Variants in BFAR observed in about 807,000 individuals in gnomAD.
BFAR encodes RING finger protein 47.
BFAR carries 52 observed loss-of-function variants against 54.4 expected under a neutral mutation model. The observed-to-expected ratio is 0.96, with a 90% CI of 0.77 to 1.21. The LOEUF is 1.21. Among genes scored for constraint, BFAR ranks in the 50% most tolerant of loss-of-function variants. The pLI is 0.00. For missense variants in BFAR, 571 were observed against 534.0 expected, an observed-to-expected ratio of 1.07 and a Z score of -0.68; for synonymous variants, 215 against 204.3, an observed-to-expected ratio of 1.05 and a Z score of -0.45.
intron 4 of BFAR, among the ~76,000 whole-genome samples, chr16:14,652,323 A>G (rs1343770521): frequency 6.6e-6 from 1 of 151,524 alleles, no homozygotes; most frequent in Admixed American, 6.6e-5. Context: ...TCTGTCTCCC[A>G]GGCTGGAGTG....
Position 14,656,150 on chromosome 16 carries a change from C to T in BFAR, c.783+940C>T, listed in dbSNP as rs116050566. On this transcript the variant is annotated intron_variant, in intron 5 of 7. Transcript: ENST00000261658. ...CCTGGGAGGTTGAGGCTGCGGTAGC[C>T]GAGATCACACCGCTGCATGGCAGCC... is the stretch of plus-strand genomic sequence containing the variant. Among the ~76,000 whole-genome samples, 1,446 of 151,750 alleles carry T rather than the reference C, an allele frequency of 9.5e-3. 21 individuals carry two copies. The highest frequency in any genetic ancestry group is 0.033 in the African/African-American group (1,375 of 41,360).
chr16:14,661,390 A>ATTTTTTT (rs1960282338), intron 5 of BFAR, among the ~76,000 whole-genome samples: 1 of 91,828 alleles, frequency 1.1e-5, no homozygotes, highest in Non-Finnish European at 2.3e-5. Flanking sequence ...TAGAGATTGG[A>ATTTTTTT]TCTTTTTTTT....
intron 1 of BFAR, 29 bp from the exon 2 acceptor site, chr16:14,644,245 T>A: frequency 8.1e-7 from 1 of 1,238,254 alleles, no homozygotes; most frequent in Non-Finnish European, 1.1e-6. Flanking sequence ...ACTATTTGCC[T>A]TATTTTTGTC....
Position 14,644,257 on chromosome 16 carries a change from C to T in BFAR, c.-73-17C>T, listed in dbSNP as rs1230409981. On this transcript the variant is annotated splice_polypyrimidine_tract_variant and intron_variant, in intron 1 of 7. Transcript: ENST00000261658. ...ACTACTATTTGCCTTATTTTTGTCT[C>T]TGTTTTTTTTTTCTAGATTAATGAT... 1.7e-5 allele frequency: 22 copies of T among 1,316,876 alleles called. No homozygotes were observed. The highest frequency in any genetic ancestry group is 2.1e-5 in the Non-Finnish European group (20 of 949,876). The allele number at this position is 1,316,876 out of a possible 1,614,324, so 81.6% of individuals were successfully genotyped here.
At chr16:14,654,290 A>T (rs1211396307) in intron 4 of BFAR, among the ~76,000 whole-genome samples, 1 of 151,586 alleles carries the variant, frequency 6.6e-6, no homozygotes, top group Non-Finnish European at 1.5e-5. Context: ...ACTATTCTTA[A>T]TGTTGTAATG....
Position 14,668,188 on chromosome 16 carries a change from A to C in BFAR, c.*361A>C. On this transcript the variant is annotated 3_prime_UTR_variant, in exon 8 of 8. Coordinates refer to ENST00000261658, the MANE Select transcript of BFAR (RefSeq NM_016561.3). ...GGGTGCCACATCAGTCCCCTCCCCA[A>C]CCTCAGTGACTGACAGAGGATCCGG... The C allele has an allele frequency of 4.3e-6, 1 of 234,318 alleles. No individual in the cohort carries two copies. Among genetic ancestry groups the C allele is most frequent in the Non-Finnish European group, 8.3e-6 (1 of 120,232 alleles). 14.5% of individuals were successfully genotyped at this position (234,318 alleles called of 1,614,324 possible).
intron 5 of BFAR, among the ~76,000 whole-genome samples, chr16:14,657,986 G>T (rs1960176494): frequency 6.6e-6 from 1 of 152,194 alleles, no homozygotes; most frequent in Non-Finnish European, 1.5e-5. Context: ...CTCCCAAGTA[G>T]CTGGGGCTAC....
intron 5 of BFAR, among the ~76,000 whole-genome samples, chr16:14,661,406 T>C (rs919058840): frequency 2.9e-5 from 4 of 138,098 alleles, no homozygotes; most frequent in South Asian, 2.6e-4. Context: ...TTTTTTTTTT[T>C]TTTTTTTTTT....
chr16:14,664,722 A>T, intron 6 of BFAR, 147 bp from the exon 7 acceptor site: 2 of 741,088 alleles, frequency 2.7e-6, no homozygotes, highest in Non-Finnish European at 4.6e-6. Flanking sequence ...CTGGTCTTGA[A>T]CTCCTTACCT....
Position 14,655,207 on chromosome 16 carries a change from T to C in BFAR, c.780T>C (p.Tyr260=). ...GVKPPQNLWE[Y]KAVNPGRSLF... Reference sequence around the variant, plus strand: ...AGCCCCCCCAGAATCTCTGGGAATATAAGGTGAACACTTTAATTTTTTTTT... The same window carrying C: ...AGCCCCCCCAGAATCTCTGGGAATACAAGGTGAACACTTTAATTTTTTTTT... Residue 260 remains tyrosine (Y), a synonymous_variant, in exon 5 of 8, where the codon TAT becomes TAC. Coordinates refer to ENST00000261658, the MANE Select transcript of BFAR (RefSeq NM_016561.3). The C allele has an allele frequency of 4.2e-6, 6 of 1,443,460 alleles. No homozygotes were observed. The highest frequency in any genetic ancestry group is 5.5e-6 in the Non-Finnish European group (6 of 1,096,170). 89.4% of individuals were successfully genotyped at this position (1,443,460 alleles called of 1,614,324 possible).
intron 7 of BFAR, among the ~76,000 whole-genome samples, chr16:14,665,801 A>G (rs149629993): frequency 4.0e-4 from 61 of 152,326 alleles, no homozygotes; most frequent in Non-Finnish European, 8.1e-4. Context: ...AGCATCCAAT[A>G]TAGAGTTGCT....
At chr16:14,640,735 T>G (rs1223284920) in intron 1 of BFAR, among the ~76,000 whole-genome samples, 1 of 152,138 alleles carries the variant, frequency 6.6e-6, no homozygotes, top group Non-Finnish European at 1.5e-5. Flanking sequence ...GAGGCAGAAG[T>G]GTGTCGCACA....
intron 1 of BFAR, 64 bp downstream of exon 1, chr16:14,633,082 G>A (rs1204180706): frequency 6.6e-6 from 1 of 152,414 alleles, no homozygotes; most frequent in Admixed American, 6.5e-5. Context: ...GGGGAGTGAT[G>A]TGGAAGACGG....
chr16:14,642,148 G>T (rs1039951239), intron 1 of BFAR, among the ~76,000 whole-genome samples: 1 of 152,202 alleles, frequency 6.6e-6, no homozygotes, highest in East Asian at 1.9e-4. Flanking sequence ...TGCATGGCCA[G>T]TGTGGGCGGC....
intron 7 of BFAR, among the ~76,000 whole-genome samples, chr16:14,666,949 T>C (rs1301455387): frequency 6.6e-6 from 1 of 152,118 alleles, no homozygotes; most frequent in Non-Finnish European, 1.5e-5. Context: ...CCTTGGCTCA[T>C]GCCTGTAATC....
chr16:14,665,304 G>A (rs1960412199), intron 7 of BFAR: 8 of 381,482 alleles, frequency 2.1e-5, no homozygotes, highest in East Asian at 5.3e-5. Context: ...TTATCTCTAT[G>A]CAATAATATA....
rs927535375 is a variant in BFAR at position 14,650,195 on chromosome 16, A to G, written c.638+222A>G. On this transcript the variant is annotated intron_variant, in intron 4 of 7. Coordinates refer to ENST00000261658, the MANE Select transcript of BFAR (RefSeq NM_016561.3). ...AAAAAAAAAATTGGCCAGGCTTGGT[A>G]GTGCACACCTTGTAATCCCATCTAT... 3.3e-5 allele frequency: 13 copies of G among 393,104 alleles called. No homozygotes were observed. The Admixed American group carries it at 5.3e-4, about 16-fold the overall frequency. The allele number at this position is 393,104 out of a possible 1,614,324, so 24.4% of individuals were successfully genotyped here. A position where few individuals can be genotyped will look rare whatever the true frequency, so the allele number is the denominator to read the frequency against.
intron 3 of BFAR, among the ~76,000 whole-genome samples, chr16:14,649,461 A>G (rs1959902662): frequency 1.3e-5 from 2 of 152,174 alleles, no homozygotes; most frequent in Non-Finnish European, 2.9e-5. Context: ...TGTGCATAAA[A>G]AATCTAAATG....
Position 14,648,425 on chromosome 16 carries a change from CTG to C in BFAR, c.302_303del (p.Leu101GlnfsTer3). ...AAAGTTATTTCCTGATGCCATTAGA[CTG>C]AGATTTGAAGACATTCAGCAGAATA... ...IEKLFPDAIR[L>X]RFEDIQQNND... On this transcript the variant is annotated frameshift_variant, in exon 3 of 8. Transcript: ENST00000261658. LOFTEE classifies it high-confidence loss of function. 1 of 1,613,476 alleles carries C rather than the reference CTG, an allele frequency of 6.2e-7. No individual in the cohort carries two copies. Among genetic ancestry groups the C allele is most frequent in the African/African-American group, 1.3e-5 (1 of 74,910 alleles).
Sources: allele counts gnomAD v4.1 joint callset (sites outside exome capture counted in the v4.1 genomes callset), GRCh38; gene constraint gnomAD v4.1.1; transcripts MANE v1.5; gene names NCBI Gene and HGNC (gene_info 2026-07-23, HGNC 2026-07-21).